KIAA1217: variants seen among roughly 807,000 people sequenced by gnomAD.
KIAA1217 encodes the protein KIAA1217.
In KIAA1217, 88 loss-of-function variants were observed where a neutral mutation model predicts 163.9. The ratio of observed to expected loss-of-function variants is 0.54; its 90% CI spans 0.45 to 0.64. The LOEUF (loss-of-function observed/expected upper bound fraction) is 0.64, where lower values mean the gene tolerates loss of function less well. Among genes scored for constraint, KIAA1217 ranks in the 30% least tolerant of loss-of-function variants. The pLI is 0.00. For synonymous variants in KIAA1217, 903 were observed against 923.1 expected (o/e 0.98, Z 0.39); for missense variants, 2,372 against 2,475.0 (o/e 0.96, Z 0.88).
chr10:23,907,057 G>C (rs1842191143), intron 1 of KIAA1217, among the ~76,000 whole-genome samples: 1 of 151,982 alleles, frequency 6.6e-6, no homozygotes, highest in African/African-American at 2.4e-5. Flanking sequence ...AGTCATTTAT[G>C]GATTTCTATA....
At chr10:24,484,832 C>G (rs1449128320) in intron 6 of KIAA1217, among the ~76,000 whole-genome samples, 1 of 152,116 alleles carries the variant, frequency 6.6e-6, no homozygotes, top group Non-Finnish European at 1.5e-5. Context: ...ACCATGAAGC[C>G]ATAGAGTTGT....
intron 2 of KIAA1217, among the ~76,000 whole-genome samples, chr10:24,195,777 G>T (rs557595989): frequency 6.6e-6 from 1 of 152,176 alleles, no homozygotes; most frequent in African/African-American, 2.4e-5. Context: ...GAAAGGTTTT[G>T]CTTTGGTTTT....
intron 2 of KIAA1217, among the ~76,000 whole-genome samples, chr10:24,285,888 A>G (rs1295641314): frequency 6.6e-6 from 1 of 152,098 alleles, no homozygotes; most frequent in Non-Finnish European, 1.5e-5. Flanking sequence ...GCAGTGTTTT[A>G]TAGTTCCCTT....
At chr10:24,239,094 G>C (rs1355932598) in intron 2 of KIAA1217, 1 of 912,848 alleles carries the variant, frequency 1.1e-6, no homozygotes, top group Non-Finnish European at 1.3e-6. Context: ...GCTTGAAAGA[G>C]CATGTCAAGA....
At chr10:24,251,405 A>C (rs2074508644) in intron 2 of KIAA1217, among the ~76,000 whole-genome samples, 1 of 12,766 alleles carries the variant, frequency 7.8e-5, no homozygotes, top group Admixed American at 1.0e-3. Context: ...TGTCTCAAAA[A>C]AAAAAAAAAA....
intron 1 of KIAA1217, among the ~76,000 whole-genome samples, chr10:23,972,874 G>GC (rs1394776622): frequency 1.3e-5 from 2 of 152,086 alleles, no homozygotes; most frequent in African/African-American, 4.8e-5. Context: ...ACCAAGCACT[G>GC]CATGTTCTCA....
intron 1 of KIAA1217, among the ~76,000 whole-genome samples, chr10:23,933,023 A>T (rs963734485): frequency 6.6e-6 from 1 of 152,234 alleles, no homozygotes; most frequent in African/African-American, 2.4e-5. Context: ...AACTATGGGC[A>T]GTTTATAATA....
intron 2 of KIAA1217, among the ~76,000 whole-genome samples, chr10:24,167,219 T>A (rs967601028): frequency 9.2e-5 from 14 of 151,778 alleles, no homozygotes; most frequent in Non-Finnish European, 1.8e-4. Flanking sequence ...ATCTTTCTGA[T>A]AAAAAGCACT....
At chr10:23,865,267 C>A (rs1840130514) in intron 1 of KIAA1217, among the ~76,000 whole-genome samples, 1 of 152,146 alleles carries the variant, frequency 6.6e-6, no homozygotes, top group Admixed American at 6.5e-5. Context: ...GTAATTAATG[C>A]AGATCAAATG....
intron 1 of KIAA1217, among the ~76,000 whole-genome samples, chr10:23,875,457 C>T (rs2131173596): frequency 6.6e-6 from 1 of 152,064 alleles, no homozygotes; most frequent in East Asian, 1.9e-4. Flanking sequence ...ACCACTGTTT[C>T]AACTTGTTCT....
intron 2 of KIAA1217, among the ~76,000 whole-genome samples, chr10:24,194,926 G>T (rs2066913654): frequency 6.6e-6 from 1 of 151,900 alleles, no homozygotes; most frequent in African/African-American, 2.4e-5. Flanking sequence ...TATTTCTATT[G>T]TATATGACTG....
At chr10:24,095,590 A>G (rs142981327) in intron 2 of KIAA1217, among the ~76,000 whole-genome samples, 121 of 152,124 alleles carry the variant, frequency 8.0e-4, no homozygotes, top group African/African-American at 2.7e-3. Context: ...CCTTTCCATG[A>G]TGCTGTTCTT....
chr10:24,415,741 G>A (rs944263005), intron 3 of KIAA1217, among the ~76,000 whole-genome samples: 1 of 152,130 alleles, frequency 6.6e-6, no homozygotes, highest in Non-Finnish European at 1.5e-5. Context: ...GCCCTTTTCA[G>A]TGCCATCTCT....
At chr10:23,768,730 CTT>C (rs1564404301) in intron 1 of KIAA1217, among the ~76,000 whole-genome samples, 2 of 152,184 alleles carry the variant, frequency 1.3e-5, no homozygotes, top group African/African-American at 4.8e-5. Context: ...GGATTTGTCT[CTT>C]TACCATTTAG....
intron 2 of KIAA1217, among the ~76,000 whole-genome samples, chr10:24,315,901 G>A (rs752307058): frequency 5.5e-4 from 79 of 143,524 alleles, no homozygotes; most frequent in Non-Finnish European, 9.2e-4. Context: ...TCAGTGACTG[G>A]ATGAAAGTTT....
chr10:23,804,031 T>A (rs1167824959), intron 1 of KIAA1217, among the ~76,000 whole-genome samples: 2 of 152,184 alleles, frequency 1.3e-5, no homozygotes, highest in Admixed American at 6.5e-5. Context: ...TTTATATACA[T>A]CATCATATAA....
At chr10:24,234,800 C>T (rs1200010385) in intron 2 of KIAA1217, among the ~76,000 whole-genome samples, 1 of 152,120 alleles carries the variant, frequency 6.6e-6, no homozygotes, top group Non-Finnish European at 1.5e-5. Context: ...TTATATTCCT[C>T]CATCTTAATT....
intron 1 of KIAA1217, among the ~76,000 whole-genome samples, chr10:23,847,683 AT>A (rs374568390): frequency 6.6e-5 from 10 of 151,976 alleles, no homozygotes; most frequent in African/African-American, 2.4e-4. Flanking sequence ...GCATTCATTG[AT>A]TTTTTGAACG....
At position 24,275,672 on chromosome 10, in the gene KIAA1217, A is replaced by AATG. The variant is rs747373840; in HGVS notation, c.354+55764_354+55765insTGA. The AATG allele has an allele frequency of 4.6e-5, 23 of 499,070 alleles. No homozygotes were observed. In the East Asian group the frequency reaches 1.4e-3, roughly 30 times the overall value. The allele number at this position is 499,070 out of a possible 1,614,324, so 30.9% of individuals were successfully genotyped here. ...TTTTTTTCTCATTAAGCCTTTGCTT[A>AATG]AGATGCAGGCAAGATTGATGCTGTT... is the stretch of plus-strand genomic sequence containing the variant. On this transcript the variant is annotated intron_variant, in intron 2 of 20. Coordinates refer to ENST00000376454, the MANE Select transcript of KIAA1217 (RefSeq NM_019590.5).
Sources: allele counts gnomAD v4.1 joint callset (sites outside exome capture counted in the v4.1 genomes callset), GRCh38; gene constraint gnomAD v4.1.1; transcripts MANE v1.5; gene names NCBI Gene and HGNC (gene_info 2026-07-23, HGNC 2026-07-21).